The following PKIA variants were observed in gnomAD, a reference collection of about 807,000 sequenced individuals.
The protein encoded by PKIA is cAMP-dependent protein kinase inhibitor alpha.
Under a neutral mutation model 7.6 loss-of-function variants are expected in PKIA, and 4 were observed. The observed-to-expected ratio is 0.52, with a 90% CI of 0.26 to 1.20. PKIA has a LOEUF of 1.20. Ranked by LOEUF, PKIA falls within the 50% of genes most tolerant of loss-of-function variation. PKIA has a pLI of 0.13. For synonymous variants in PKIA, 21 were observed against 30.7 expected, an observed-to-expected ratio of 0.68 and a Z score of 1.04; for missense variants, 73 against 86.2, an observed-to-expected ratio of 0.85 and a Z score of 0.61.
intron 3 of PKIA, among the ~76,000 whole-genome samples, chr8:78,598,804 T>TATAG (rs1808289150): frequency 6.6e-6 from 1 of 152,100 alleles, no homozygotes; most frequent in Non-Finnish European, 1.5e-5. Flanking sequence ...TGTGTTTTTT[T>TATAG]AAATCCTAAT....
intron 2 of PKIA, among the ~76,000 whole-genome samples, chr8:78,578,345 CTG>C (rs1450579593): frequency 6.6e-6 from 1 of 151,936 alleles, no homozygotes; most frequent in Admixed American, 6.6e-5. Flanking sequence ...TGATATTAAA[CTG>C]TAATCATTCA....
intron 2 of PKIA, among the ~76,000 whole-genome samples, chr8:78,584,528 C>T (rs149344948): frequency 5.9e-5 from 9 of 152,102 alleles, no homozygotes; most frequent in South Asian, 2.1e-4. Flanking sequence ...TGATGAAAGC[C>T]TAGAAGATAA....
chr8:78,575,498 C>G (rs1807651875), intron 2 of PKIA, among the ~76,000 whole-genome samples: 1 of 151,682 alleles, frequency 6.6e-6, no homozygotes, highest in African/African-American at 2.4e-5. Flanking sequence ...CAATGTTGTA[C>G]AAATGTAAAA....
At chr8:78,601,221 C>G (rs149541417) in intron 3 of PKIA, among the ~76,000 whole-genome samples, 2 of 152,154 alleles carry the variant, frequency 1.3e-5, no homozygotes, top group East Asian at 3.9e-4. Context: ...ACATAGTGTC[C>G]TTTCATTTTC....
At chr8:78,550,886 C>T (rs573101182) in intron 1 of PKIA, among the ~76,000 whole-genome samples, 5 of 152,150 alleles carry the variant, frequency 3.3e-5, no homozygotes, top group Middle Eastern at 6.8e-3. Flanking sequence ...TAGCTTAGCT[C>T]CCACTTATGC....
chr8:78,533,054 G>A (rs141652385), intron 1 of PKIA, among the ~76,000 whole-genome samples: 9 of 152,180 alleles, frequency 5.9e-5, no homozygotes, highest in East Asian at 1.9e-4. Flanking sequence ...CTTTCATTCC[G>A]TGCACCAGGG....
intron 2 of PKIA, among the ~76,000 whole-genome samples, chr8:78,592,239 TA>T (rs1037016055): frequency 3.9e-5 from 6 of 152,168 alleles, no homozygotes; most frequent in African/African-American, 1.2e-4. Flanking sequence ...ATATTTTGTT[TA>T]AAAATGTAAT....
chr8:78,544,635 A>G (rs1312222546), intron 1 of PKIA, among the ~76,000 whole-genome samples: 1 of 152,218 alleles, frequency 6.6e-6, no homozygotes, highest in African/African-American at 2.4e-5. Context: ...AAAGCCATAA[A>G]AATACTTTTC....
rs1412291326 is a variant in PKIA, at chr8:78,598,553, C to T, written c.151+18C>T. 1 of 1,591,138 alleles carries T rather than the reference C, an allele frequency of 6.3e-7. No homozygotes were observed. The highest frequency in any genetic ancestry group is 1.1e-5 in the South Asian group (1 of 89,230). On this transcript the variant is annotated intron_variant, in intron 3 of 3. Coordinates refer to ENST00000396418, the MANE Select transcript of PKIA (RefSeq NM_006823.4). ...CAAGACAGGTAAGTCATCTGGCACA[C>T]ATTTCTCTATGAGCATGGAATGATT...
chr8:78,526,656 A>C (rs562625911), intron 1 of PKIA, among the ~76,000 whole-genome samples: 17 of 151,980 alleles, frequency 1.1e-4, no homozygotes, highest in Non-Finnish European at 1.8e-4. Context: ...ATACATTTCT[A>C]TTTTATTGAA....
At chr8:78,535,105 T>C (rs550725725) in intron 1 of PKIA, 19 of 152,230 alleles carry the variant, frequency 1.2e-4, no homozygotes, top group African/African-American at 4.1e-4. Flanking sequence ...AAGCACTGTT[T>C]AAATGTAAAG....
intron 2 of PKIA, among the ~76,000 whole-genome samples, chr8:78,586,262 A>T (rs1807947838): frequency 6.6e-6 from 1 of 152,178 alleles, no homozygotes; most frequent in South Asian, 2.1e-4. Context: ...CAAATCACAT[A>T]TTTAATATAA....
intron 1 of PKIA, chr8:78,556,519 C>T (rs967640333): frequency 6.6e-6 from 1 of 152,012 alleles, no homozygotes; most frequent in African/African-American, 2.4e-5. Flanking sequence ...CAAGTCAGCT[C>T]CTCGATTTGC....
At chr8:78,579,294 A>G (rs1022608938) in intron 2 of PKIA, among the ~76,000 whole-genome samples, 6 of 152,018 alleles carry the variant, frequency 3.9e-5, no homozygotes, top group Non-Finnish European at 5.9e-5. Flanking sequence ...TTCCAAAGAA[A>G]TTTAAACCAG....
chr8:78,535,145 TC>T (rs1248533119), intron 1 of PKIA: 6 of 152,138 alleles, frequency 3.9e-5, no homozygotes, highest in African/African-American at 1.2e-4. Context: ...CTGTAGGTCA[TC>T]CTAATGAGGA....
intron 1 of PKIA, among the ~76,000 whole-genome samples, chr8:78,569,365 C>T (rs994354888): frequency 6.6e-6 from 1 of 152,116 alleles, no homozygotes; most frequent in African/African-American, 2.4e-5. Flanking sequence ...GGGAAGGTGT[C>T]AGCAAGGCCA....
At chr8:78,598,698 C>A (rs374547001) in intron 3 of PKIA, among the ~76,000 whole-genome samples, 163 bp downstream of exon 3, 1 of 152,068 alleles carries the variant, frequency 6.6e-6, no homozygotes, top group African/African-American at 2.4e-5. Context: ...CTTAATCACT[C>A]CTGCTCTATT....
intron 1 of PKIA, among the ~76,000 whole-genome samples, chr8:78,567,207 A>C (rs1439707486): frequency 6.6e-6 from 1 of 152,128 alleles, no homozygotes; most frequent in African/African-American, 2.4e-5. Flanking sequence ...CATTTGTTTC[A>C]ATTAGTGAAC....
At chr8:78,571,730 T>C (rs577569604) in intron 1 of PKIA, among the ~76,000 whole-genome samples, 4 of 152,220 alleles carry the variant, frequency 2.6e-5, no homozygotes, top group South Asian at 2.1e-4. Context: ...AGGAACAGTT[T>C]GAATTCAAAT....
Sources: allele counts gnomAD v4.1 joint callset (sites outside exome capture counted in the v4.1 genomes callset), GRCh38; gene constraint gnomAD v4.1.1; transcripts MANE v1.5; gene names NCBI Gene and HGNC (gene_info 2026-07-23, HGNC 2026-07-21).